Variants in ADAMTSL1 observed in about 807,000 individuals in gnomAD.
ADAMTSL1 encodes the protein ADAMTS like 1.
In ADAMTSL1, 126 loss-of-function variants were observed where a neutral mutation model predicts 201.8. The ratio of observed to expected loss-of-function variants is 0.62; its 90% confidence interval spans 0.54 to 0.72. The LOEUF is 0.72. Among genes scored for constraint, ADAMTSL1 ranks in the 30% least tolerant of loss-of-function variants. ADAMTSL1 has a pLI of 0.00. For missense variants in ADAMTSL1, 2,679 were observed against 2,277.8 expected (o/e 1.18, Z -3.59); for synonymous variants, 1,121 against 903.4 (o/e 1.24, Z -4.32).
intron 2 of ADAMTSL1, among the ~76,000 whole-genome samples, chr9:18,200,670 A>G (rs1333696374): frequency 6.6e-6 from 1 of 152,054 alleles, no homozygotes; most frequent in Non-Finnish European, 1.5e-5. Context: ...TGTGACGTAT[A>G]AAGTAATGTA....
intron 1 of ADAMTSL1, among the ~76,000 whole-genome samples, chr9:17,938,069 G>A (rs1458122196): frequency 6.6e-6 from 1 of 152,086 alleles, no homozygotes; most frequent in Non-Finnish European, 1.5e-5. Context: ...AAAACCAAGG[G>A]AAAATATGCT....
At chr9:17,977,645 T>C (rs1316828939) in intron 1 of ADAMTSL1, among the ~76,000 whole-genome samples, 2 of 152,062 alleles carry the variant, frequency 1.3e-5, no homozygotes, top group Non-Finnish European at 2.9e-5. Context: ...AGTTGTAATG[T>C]CTCTTCTTTT....
chr9:18,544,385 A>G (rs1213839768), intron 3 of ADAMTSL1, among the ~76,000 whole-genome samples: 2 of 152,196 alleles, frequency 1.3e-5, no homozygotes, highest in Non-Finnish European at 2.9e-5. Flanking sequence ...AAGGTGATAT[A>G]ATAAAAAACT....
chr9:18,838,947 G>T (rs570384671), intron 23 of ADAMTSL1, among the ~76,000 whole-genome samples: 23 of 148,872 alleles, frequency 1.5e-4, no homozygotes, highest in Non-Finnish European at 3.3e-4. Context: ...CCTTTTTCCA[G>T]CATCTTACTT....
chr9:18,252,025 T>C (rs1464327283), intron 2 of ADAMTSL1, among the ~76,000 whole-genome samples: 1 of 152,036 alleles, frequency 6.6e-6, no homozygotes, highest in Non-Finnish European at 1.5e-5. Flanking sequence ...TATTTTAAAA[T>C]TTCCTACCAA....
intron 2 of ADAMTSL1, among the ~76,000 whole-genome samples, chr9:18,338,202 C>T (rs1156728821): frequency 1.3e-5 from 2 of 152,046 alleles, no homozygotes; most frequent in Non-Finnish European, 2.9e-5. Flanking sequence ...TGTCTTCAAG[C>T]CACTGACCCT....
At chr9:18,258,714 C>T (rs1440136524) in intron 2 of ADAMTSL1, among the ~76,000 whole-genome samples, 1 of 152,172 alleles carries the variant, frequency 6.6e-6, no homozygotes, top group African/African-American at 2.4e-5. Context: ...TGTGTGCTTA[C>T]ATTGCTCTCT....
At chr9:18,489,406 A>G (rs1822157963) in intron 1 of ADAMTSL1, among the ~76,000 whole-genome samples, 1 of 152,176 alleles carries the variant, frequency 6.6e-6, no homozygotes, top group African/African-American at 2.4e-5. Context: ...TAATGTGAAG[A>G]TGATCATCCG....
At chr9:18,035,924 G>A (rs1419226104) in intron 1 of ADAMTSL1, among the ~76,000 whole-genome samples, 1 of 152,048 alleles carries the variant, frequency 6.6e-6, no homozygotes, top group Non-Finnish European at 1.5e-5. Context: ...CTGGTGATGG[G>A]GACCTATAGT....
chr9:18,383,852 C>G (rs953090785), intron 2 of ADAMTSL1, among the ~76,000 whole-genome samples: 2 of 152,104 alleles, frequency 1.3e-5, no homozygotes, highest in African/African-American at 4.8e-5. Flanking sequence ...TGAAAATTGA[C>G]AACAGTGCTC....
At chr9:17,947,485 A>G (rs944336587) in intron 1 of ADAMTSL1, among the ~76,000 whole-genome samples, 6 of 152,200 alleles carry the variant, frequency 3.9e-5, no homozygotes, top group South Asian at 2.1e-4. Context: ...AGGATGCTGT[A>G]TTCTACCAAA....
chr9:18,077,839 A>ATATC (rs1288245705), intron 1 of ADAMTSL1, among the ~76,000 whole-genome samples: 1 of 152,136 alleles, frequency 6.6e-6, no homozygotes, highest in East Asian at 1.9e-4. Context: ...GATGAGAGAG[A>ATATC]TGGAGAGGGG....
At chr9:18,314,782 CTTTTTTTTTTTTTT>C (rs776046209) in intron 2 of ADAMTSL1, among the ~76,000 whole-genome samples, 88 of 49,856 alleles carry the variant, frequency 1.8e-3, no homozygotes, top group South Asian at 4.4e-3. Flanking sequence ...CGGCAGCGTG[CTTTTTTTTTTTTTT>C]TTTTTTTTTT....
At chr9:18,294,478 C>A (rs1382917708) in intron 2 of ADAMTSL1, among the ~76,000 whole-genome samples, 1 of 152,182 alleles carries the variant, frequency 6.6e-6, no homozygotes, top group Admixed American at 6.5e-5. Flanking sequence ...CTGTGTTTTC[C>A]TGGGGCTGAG....
chr9:18,474,521 A>G (rs375754233), intron 1 of ADAMTSL1, among the ~76,000 whole-genome samples: 1 of 152,178 alleles, frequency 6.6e-6, no homozygotes, highest in African/African-American at 2.4e-5. Flanking sequence ...AGTTACTGCT[A>G]TACAGTAATA....
intron 2 of ADAMTSL1, among the ~76,000 whole-genome samples, chr9:18,366,190 A>C (rs1320992959): frequency 6.6e-6 from 1 of 152,084 alleles, no homozygotes; most frequent in Non-Finnish European, 1.5e-5. Flanking sequence ...AAGGCAGTTC[A>C]ATTTATATGG....
At chr9:18,820,850 G>A (rs75344415) in intron 21 of ADAMTSL1, among the ~76,000 whole-genome samples, 5,765 of 152,240 alleles carry the variant, frequency 0.038, 150 homozygotes, top group South Asian at 0.09. Context: ...AAACTGAGTC[G>A]GCGATAAAGG....
At chr9:18,535,715 C>G (rs545354371) in intron 3 of ADAMTSL1, among the ~76,000 whole-genome samples, 1 of 152,224 alleles carries the variant, frequency 6.6e-6, no homozygotes, top group South Asian at 2.1e-4. Context: ...ACAATCATGG[C>G]AGAAGGGGAA....
rs550798504 is a variant in ADAMTSL1, at chr9:18,725,685, TA to T, written c.2006+4030del. The stretch of plus-strand genomic sequence containing the variant: ...TCTTTAAAACTCAAGCACAGCAGAA[TA>T]AAAAAAAAAGAAAGGTATACCTTCC... On this transcript the variant is annotated intron_variant, in intron 15 of 28. Coordinates refer to ENST00000380548, the MANE Select transcript of ADAMTSL1 (RefSeq NM_001040272.6). 1.3e-4 allele frequency among the ~76,000 whole-genome samples: 20 copies of T among 148,164 alleles called. No homozygotes were observed. In the East Asian group the frequency reaches 1.6e-3, roughly 12 times the overall value.
Sources: gnomAD v4.1 joint callset for allele counts (sites outside exome capture counted in the v4.1 genomes callset) on GRCh38, gnomAD v4.1.1 for gene constraint, MANE v1.5 for transcripts, NCBI Gene and HGNC (gene_info 2026-07-23, HGNC 2026-07-21) for gene names.